DCDC2: variants seen among roughly 807,000 people sequenced by gnomAD.
The protein encoded by DCDC2 is doublecortin domain-containing protein 2.
DCDC2 carries 40 observed loss-of-function variants against 50.2 expected under a neutral mutation model. That is an observed-to-expected ratio of 0.80 (90% CI 0.62 to 1.04). The LOEUF (loss-of-function observed/expected upper bound fraction) is 1.04, where lower values mean the gene tolerates loss of function less well. DCDC2 is among the 50% of genes least tolerant of loss of function. DCDC2 has a pLI of 0.00. For synonymous variants in DCDC2, 234 were observed against 210.6 expected (o/e 1.11, Z -0.96); for missense variants, 570 against 581.9 (o/e 0.98, Z 0.21).
chr6:24,174,568 T>TA lies in DCDC2; in HGVS notation c.*161dup, dbSNP rs2113735054. 2.1e-6 allele frequency: 1 copy of TA among 470,730 alleles called. No individual in the cohort carries two copies. Among genetic ancestry groups the TA allele is most frequent in the Non-Finnish European group, 3.8e-6 (1 of 265,872 alleles). 29.2% of individuals were successfully genotyped at this position (470,730 alleles called of 1,614,324 possible). ...AAGTAATTATCCTTTAGTAGCCATT[T>TA]AAAGTTATCTGGTCTTTCCACTAGG... On this transcript the variant is annotated 3_prime_UTR_variant, in exon 10 of 10. Coordinates refer to ENST00000378454, the MANE Select transcript of DCDC2 (RefSeq NM_016356.5).
intron 7 of DCDC2, among the ~76,000 whole-genome samples, chr6:24,246,053 G>A (rs376334431): frequency 1.6e-3 from 241 of 151,536 alleles, no homozygotes; most frequent in African/African-American, 5.5e-3. Context: ...GCCCAGGCTG[G>A]AGTGCACTGG....
chr6:24,255,112 T>C (rs1461968108), intron 7 of DCDC2, among the ~76,000 whole-genome samples: 1 of 152,046 alleles, frequency 6.6e-6, no homozygotes, highest in East Asian at 1.9e-4. Context: ...AGTACAAAGA[T>C]AGACAACAGA....
chr6:24,381,218 A>G, the DCDC2 span, among the ~76,000 whole-genome samples: 2 of 152,242 alleles, frequency 1.3e-5, no homozygotes, highest in Non-Finnish European at 2.9e-5. Flanking sequence ...CTCATTTCAC[A>G]TAATTAGCAT....
intron 7 of DCDC2, among the ~76,000 whole-genome samples, chr6:24,243,681 T>C (rs1351054744): frequency 6.6e-6 from 1 of 152,130 alleles, no homozygotes; most frequent in Non-Finnish European, 1.5e-5. Flanking sequence ...TGCTCACAAG[T>C]TGAATTAAAT....
chr6:24,203,155 CA>C (rs1761625750), intron 8 of DCDC2, among the ~76,000 whole-genome samples: 1 of 151,916 alleles, frequency 6.6e-6, no homozygotes, highest in Admixed American at 6.6e-5. Context: ...CATATGGGAC[CA>C]AAAAAGAGCC....
At position 24,178,312 on chromosome 6, in the gene DCDC2, C is replaced by A. The variant is rs1266896398; in HGVS notation, c.1326+18G>T. On this transcript the variant is annotated intron_variant, in intron 9 of 9. Coordinates refer to ENST00000378454, the MANE Select transcript of DCDC2 (RefSeq NM_016356.5). The stretch of plus-strand genomic sequence containing the variant: ...ATATTCATGCATTCACATAAGCAAG[C>A]AAAAGCAATAGAAATACCTCATCTT... The A allele has an allele frequency of 1.2e-6, 2 of 1,606,212 alleles. No individual in the cohort carries two copies. The highest frequency in any genetic ancestry group is 1.3e-5 in the African/African-American group (1 of 74,718).
intron 7 of DCDC2, among the ~76,000 whole-genome samples, chr6:24,215,673 CAGG>C (rs1410023518): frequency 6.6e-6 from 1 of 152,080 alleles, no homozygotes; most frequent in Non-Finnish European, 1.5e-5. Context: ...GGCTGGTAGC[CAGG>C]AGATTTCAAA....
At chr6:24,191,728 G>A (rs1394056244) in intron 8 of DCDC2, among the ~76,000 whole-genome samples, 1 of 152,192 alleles carries the variant, frequency 6.6e-6, no homozygotes, top group Non-Finnish European at 1.5e-5. Flanking sequence ...ATAAATGGGA[G>A]TTTTTTCTTA....
At chr6:24,176,971 G>A (rs763404754) in intron 9 of DCDC2, among the ~76,000 whole-genome samples, 34 of 152,194 alleles carry the variant, frequency 2.2e-4, no homozygotes, top group Non-Finnish European at 4.0e-4. Context: ...ATGGAAGATG[G>A]AAGGACAGGC....
At position 24,215,803 on chromosome 6, in the gene DCDC2, C is replaced by T. The variant is rs374106366; in HGVS notation, c.923-10701G>A. On this transcript the variant is annotated intron_variant, in intron 7 of 9. Transcript: ENST00000378454. ...GGCACTGCTTGGTGGAATCTCAGCACTGCTCTGCACACCGCAGGTCCTGGA... is the reference window on the plus strand; with the variant it reads ...GGCACTGCTTGGTGGAATCTCAGCATTGCTCTGCACACCGCAGGTCCTGGA... Among the ~76,000 whole-genome samples the T allele has an allele frequency of 1.2e-4, 18 of 152,318 alleles. No homozygotes were observed. The East Asian group carries it at 1.9e-3, about 16-fold the overall frequency.
chr6:24,220,526 A>G (rs1274512064), intron 7 of DCDC2, among the ~76,000 whole-genome samples: 1 of 152,220 alleles, frequency 6.6e-6, no homozygotes, highest in Admixed American at 6.5e-5. Context: ...GGACCCCACA[A>G]ATTATGCAGT....
chr6:24,309,922 G>A (rs1287593582), intron 2 of DCDC2, among the ~76,000 whole-genome samples: 2 of 152,192 alleles, frequency 1.3e-5, no homozygotes, highest in South Asian at 2.1e-4. Flanking sequence ...TTGAGCCCAG[G>A]AGTTCAGGAC....
chr6:24,374,586 A>AAAG, the DCDC2 span, among the ~76,000 whole-genome samples: 1 of 150,528 alleles, frequency 6.6e-6, no homozygotes, highest in African/African-American at 2.5e-5. Context: ...CCAAAAAAAA[A>AAAG]AAAAAAAAAA....
At chr6:24,179,040 G>A (rs1322577078) in intron 8 of DCDC2, among the ~76,000 whole-genome samples, 1 of 150,716 alleles carries the variant, frequency 6.6e-6, no homozygotes, top group Non-Finnish European at 1.5e-5. Context: ...CAGAGGAAGA[G>A]GTTTAAAAAA....
At chr6:24,228,107 T>C (rs975121026) in intron 7 of DCDC2, among the ~76,000 whole-genome samples, 7 of 152,214 alleles carry the variant, frequency 4.6e-5, no homozygotes, top group African/African-American at 1.7e-4. Flanking sequence ...TAGCAGCAGA[T>C]GAGGTGTGAA....
chr6:24,176,352 C>T (rs565723978), intron 9 of DCDC2, among the ~76,000 whole-genome samples: 11 of 151,932 alleles, frequency 7.2e-5, no homozygotes, highest in Non-Finnish European at 1.2e-4. Context: ...AAACTAGGCA[C>T]TTCCTTATTT....
rs969425129 is a variant in DCDC2 at position 24,354,119 on chromosome 6, T to C, written c.294-496A>G. Reference sequence around the variant, plus strand: ...CACTCATGTGGGATGACTTTGGTAATTGGTTCAGCTAAGAAACAGATGGGT... The same window carrying C: ...CACTCATGTGGGATGACTTTGGTAACTGGTTCAGCTAAGAAACAGATGGGT... On this transcript the variant is annotated intron_variant, in intron 1 of 9. Transcript: ENST00000378454. Among the ~76,000 whole-genome samples the C allele has an allele frequency of 1.2e-4, 18 of 152,300 alleles. 1 individual carries two copies. Among genetic ancestry groups the C allele is most frequent in the Middle Eastern group, 6.8e-3 (2 of 294 alleles).
chr6:24,245,733 A>C (rs1211567614), intron 7 of DCDC2, among the ~76,000 whole-genome samples: 1 of 152,254 alleles, frequency 6.6e-6, no homozygotes, highest in Non-Finnish European at 1.5e-5. Flanking sequence ...AGAAAGAACA[A>C]TTTTAAAAGA....
At chr6:24,289,707 T>A (rs1035837825) in intron 5 of DCDC2, among the ~76,000 whole-genome samples, 2 of 152,206 alleles carry the variant, frequency 1.3e-5, no homozygotes, top group African/African-American at 4.8e-5. Flanking sequence ...TGCTCTTGCA[T>A]AGTTCAAACA....
Sources: allele counts gnomAD v4.1 joint callset (sites outside exome capture counted in the v4.1 genomes callset), GRCh38; gene constraint gnomAD v4.1.1; transcripts MANE v1.5; gene names NCBI Gene and HGNC (gene_info 2026-07-23, HGNC 2026-07-21).